KCTD18: variants seen among roughly 807,000 people sequenced by gnomAD.
KCTD18 encodes BTB/POZ domain-containing protein KCTD18.
In KCTD18, 22 loss-of-function variants were observed where a neutral mutation model predicts 30.4. That is an observed-to-expected ratio of 0.72 (90% CI 0.52 to 1.03). KCTD18 has a LOEUF of 1.03. Among genes scored for constraint, KCTD18 ranks in the 50% least tolerant of loss-of-function variants. The probability of loss-of-function intolerance (pLI) is 0.00; values close to 1 mark genes in which losing one functional copy is unlikely to be tolerated. For missense variants in KCTD18, 529 were observed against 547.6 expected, an observed-to-expected ratio of 0.97 and a Z score of 0.34; for synonymous variants, 186 against 209.0, an observed-to-expected ratio of 0.89 and a Z score of 0.95.
At chr2:200,506,310 G>C (rs916874025) in intron 2 of KCTD18, among the ~76,000 whole-genome samples, 2 of 152,202 alleles carry the variant, frequency 1.3e-5, no homozygotes, top group Non-Finnish European at 2.9e-5. Flanking sequence ...GTGATTTACA[G>C]TTCTGAAACC....
In KCTD18 at chr2:200,493,398, G is replaced by A. The variant is rs2087951687; in HGVS notation, c.662-124C>T. On this transcript the variant is annotated intron_variant, in intron 5 of 6. Transcript: ENST00000359878. The stretch of plus-strand genomic sequence containing the variant: ...CCTCCCGTTTGGCAAAGAGAGGTGT[G>A]CACAACATGAACAGGAAGCGCTCAC... 6 of 657,294 alleles carry A rather than the reference G, an allele frequency of 9.1e-6. No homozygotes were observed. In the Admixed American group the frequency reaches 9.7e-5, roughly 11 times the overall value. The allele number at this position is 657,294 out of a possible 1,614,324, so 40.7% of individuals were successfully genotyped here. A position where few individuals can be genotyped will look rare whatever the true frequency, so the allele number is the denominator to read the frequency against.
intron 5 of KCTD18, chr2:200,497,501 T>C (rs1228727259): frequency 8.0e-6 from 3 of 374,724 alleles, no homozygotes; most frequent in Non-Finnish European, 1.4e-5. Flanking sequence ...GAACTCTTAT[T>C]TAATTAAATT....
rs1023546457 is a variant in KCTD18 at position 200,502,802 on chromosome 2, G to A, written c.372+1946C>T. Among the ~76,000 whole-genome samples the A allele has an allele frequency of 3.9e-5, 6 of 151,978 alleles. No homozygotes were observed. The South Asian group carries it at 6.2e-4, about 16-fold the overall frequency. On this transcript the variant is annotated intron_variant, in intron 3 of 6. Transcript: ENST00000359878. ...CCCCAGCACTTTGGGAGGCCGAGGC[G>A]GGCAGATCACCTGAGGTTGGGAGTT... is the stretch of plus-strand genomic sequence containing the variant.
intron 5 of KCTD18, chr2:200,496,243 T>A (rs967144472): frequency 6.6e-6 from 1 of 152,252 alleles, no homozygotes; most frequent in African/African-American, 2.4e-5. Context: ...GGCAGTGGGC[T>A]CCTGGACATC....
At chr2:200,509,597 A>G (rs2030406513) in intron 1 of KCTD18, 31 bp downstream of exon 1, 1 of 152,310 alleles carries the variant, frequency 6.6e-6, no homozygotes, top group African/African-American at 2.4e-5. Flanking sequence ...CCTCGGGGAC[A>G]ATGTCCCCCA....
rs1250371216 is a variant in KCTD18, at chr2:200,501,817, G to A, written c.373-2733C>T. On this transcript the variant is annotated intron_variant, in intron 3 of 6. Coordinates refer to ENST00000359878, the MANE Select transcript of KCTD18 (RefSeq NM_152387.4). ...TACCCAAAGGATTATAAATCATGCT[G>A]CTATAAAGACACATGCACACGTATG... Among the ~76,000 whole-genome samples, 305 of 151,554 alleles carry A rather than the reference G, an allele frequency of 2.0e-3. 1 individual carries two copies. Among genetic ancestry groups the A allele is most frequent in the African/African-American group, 7.0e-3 (287 of 41,256 alleles).
Position 200,490,132 on chromosome 2 carries a change from G to C in KCTD18, c.1249C>G (p.Arg417Gly). ...PGEAARALGV[R>G]TENGKNKGN ...CCCTTGTTCTTCCCGTTCTCAGTCC[G>C]CACTCCCAAGGCACGGGCAGCTTCG... The change falls in exon 7 of 7, where the codon CGG (arginine) becomes GGG (glycine). Residue 417 changes from arginine (R) to glycine (G), a missense_variant. Coordinates refer to ENST00000359878, the MANE Select transcript of KCTD18 (RefSeq NM_152387.4). The C allele has an allele frequency of 6.3e-7, 1 of 1,593,880 alleles. No homozygotes were observed. The highest frequency in any genetic ancestry group is 8.6e-7 in the Non-Finnish European group (1 of 1,165,290).
In KCTD18 at chr2:200,498,965, G is replaced by A. The variant is rs763096251; in HGVS notation, c.492C>T (p.Ala164=). ...SCESRIIGVY[A]TKTDGTDAIE... ...TAGCGTCTGTTCCATCAGTTTTTGT[G>A]GCATATACACCAATAATTCTACTCT... Residue 164 remains alanine, a synonymous_variant, in exon 4 of 7, where the codon GCC becomes GCT. Coordinates refer to ENST00000359878, the MANE Select transcript of KCTD18 (RefSeq NM_152387.4). 1.6e-5 allele frequency: 26 copies of A among 1,614,004 alleles called. No individual in the cohort carries two copies. Among genetic ancestry groups the A allele is most frequent in the Non-Finnish European group, 2.2e-5 (26 of 1,179,972 alleles).
In KCTD18 at chr2:200,498,715, G is replaced by T. The variant is rs546952357; in HGVS notation, c.566+176C>A. Among the ~76,000 whole-genome samples, 85 of 152,310 alleles carry T rather than the reference G, an allele frequency of 5.6e-4. No homozygotes were observed. The Middle Eastern group carries it at 0.014, about 24-fold the overall frequency. ...AGCTTATCCATACTGTATGGGAAAT[G>T]ATCTTAATTATAATTTCCTCATGAA... On this transcript the variant is annotated intron_variant, in intron 4 of 6. Coordinates refer to ENST00000359878, the MANE Select transcript of KCTD18 (RefSeq NM_152387.4).
At chr2:200,492,370 A>G (rs1185678488) in intron 6 of KCTD18, among the ~76,000 whole-genome samples, 1 of 152,200 alleles carries the variant, frequency 6.6e-6, no homozygotes, top group South Asian at 2.1e-4. Flanking sequence ...CTCGTTGAGA[A>G]CCACTGCTCT....
rs1008484637 is a variant in KCTD18, at chr2:200,505,044, C to G, written c.161-85G>C. ...CAAATCAAACTAGGTCTGAGGACCT[C>G]TACAATTATAAATGTTTCTTTCTCA... On this transcript the variant is annotated intron_variant, in intron 2 of 6. Coordinates refer to ENST00000359878, the MANE Select transcript of KCTD18 (RefSeq NM_152387.4). 5.3e-6 allele frequency: 5 copies of G among 951,992 alleles called. No homozygotes were observed. The African/African-American group carries it at 8.4e-5, about 16-fold the overall frequency. 59.0% of individuals were successfully genotyped at this position (951,992 alleles called of 1,614,324 possible). A position where few individuals can be genotyped will look rare whatever the true frequency, so the allele number is the denominator to read the frequency against.
chr2:200,506,737 A>C, intron 2 of KCTD18, 120 bp downstream of exon 2: 1 of 823,476 alleles, frequency 1.2e-6, no homozygotes, highest in Non-Finnish European at 2.0e-6. Flanking sequence ...ATAGAGTCCT[A>C]ATGATCTCAG....
rs1559179747 is a variant in KCTD18, at chr2:200,490,159, C to T, written c.1222G>A (p.Gly408Ser). ...RQANSLKPLP[G>S]EAARALGVRT... is the part of the protein sequence containing the mutation. ...ACTCCCAAGGCACGGGCAGCTTCGCCGGGAAGCGGCTTGAGGGAGTTGGCC... is the reference window on the plus strand; with the variant it reads ...ACTCCCAAGGCACGGGCAGCTTCGCTGGGAAGCGGCTTGAGGGAGTTGGCC... The change falls in exon 7 of 7, where the codon GGC becomes AGC. Residue 408 changes from glycine (G) to serine (S), a missense_variant. Transcript: ENST00000359878. 3.7e-6 allele frequency: 6 copies of T among 1,608,794 alleles called. No individual in the cohort carries two copies. The highest frequency in any genetic ancestry group is 2.2e-5 in the East Asian group (1 of 44,722).
rs1184564319 is a variant in KCTD18 at position 200,489,107 on chromosome 2, T to C, written c.*993A>G. On this transcript the variant is annotated 3_prime_UTR_variant, in exon 7 of 7. Transcript: ENST00000359878. The stretch of plus-strand genomic sequence containing the variant: ...CTTATTTTTTAACATAGTGAAGGCA[T>C]ACTCTCACTGAAAGTAGAAATATGT... 6.6e-6 allele frequency: 1 copy of C among 152,654 alleles called. No individual in the cohort carries two copies. Among genetic ancestry groups the C allele is most frequent in the Non-Finnish European group, 1.5e-5 (1 of 68,036 alleles). 9.5% of individuals were successfully genotyped at this position (152,654 alleles called of 1,614,324 possible).
chr2:200,495,913 G>T (rs1360946109), intron 5 of KCTD18: 2 of 151,282 alleles, frequency 1.3e-5, no homozygotes, highest in African/African-American at 4.9e-5. Context: ...TTCCATTATT[G>T]GAACACTAAG....
At chr2:200,503,195 T>C (rs928305601) in intron 3 of KCTD18, among the ~76,000 whole-genome samples, 2 of 152,196 alleles carry the variant, frequency 1.3e-5, no homozygotes, top group Admixed American at 1.3e-4. Flanking sequence ...GTGTTCACTG[T>C]TATATCCCAA....
intron 6 of KCTD18, 34 bp from the exon 7 acceptor site, chr2:200,490,650 T>C (rs771459770): frequency 1.3e-6 from 2 of 1,539,662 alleles, no homozygotes; most frequent in Non-Finnish European, 1.7e-6. Context: ...TTTCCACATG[T>C]ATAGTTTTAG....
Position 200,490,455 on chromosome 2 carries a change from G to GCCCCAGCCCCC in KCTD18, c.925_926insGGGGGCTGGGG (p.Ala309GlyfsTer72). ...ACCACTTTGAAACCGGTTTGCTGTC[G>GCCCCAGCCCCC]CCCCAGCCGACGTCTGGATGGCACT... On this transcript the variant is annotated frameshift_variant, in exon 7 of 7. Coordinates refer to ENST00000359878, the MANE Select transcript of KCTD18 (RefSeq NM_152387.4). LOFTEE classifies it low-confidence loss of function (END_TRUNC). 6.2e-7 allele frequency: 1 copy of GCCCCAGCCCCC among 1,613,724 alleles called. No individual in the cohort carries two copies. Among genetic ancestry groups the GCCCCAGCCCCC allele is most frequent in the East Asian group, 2.2e-5 (1 of 44,880 alleles).
Position 200,508,836 on chromosome 2 carries a change from G to T in KCTD18, c.-76+792C>A, listed in dbSNP as rs527541973. On this transcript the variant is annotated intron_variant, in intron 1 of 6. Coordinates refer to ENST00000359878, the MANE Select transcript of KCTD18 (RefSeq NM_152387.4). ...AGAGCCACCTCTGAGGCATGGGATG[G>T]AACTTGTTCCCTCTGCCTCATTACT... Among the ~76,000 whole-genome samples, 15 of 152,308 alleles carry T rather than the reference G, an allele frequency of 9.8e-5. No homozygotes were observed. The East Asian group carries it at 2.5e-3, about 25-fold the overall frequency.
Sources: allele counts gnomAD v4.1 joint callset (sites outside exome capture counted in the v4.1 genomes callset), GRCh38; gene constraint gnomAD v4.1.1; transcripts MANE v1.5; gene names NCBI Gene and HGNC (gene_info 2026-07-23, HGNC 2026-07-21).